The following LIN28B variants were observed in gnomAD, a reference collection of about 807,000 sequenced individuals.
LIN28B encodes protein lin-28 homolog B.
In LIN28B, 5 loss-of-function variants were observed where a neutral mutation model predicts 21.9. The ratio of observed to expected loss-of-function variants is 0.23; its 90% confidence interval spans 0.12 to 0.48. The LOEUF (loss-of-function observed/expected upper bound fraction) is 0.48, where lower values mean the gene tolerates loss of function less well. LIN28B is among the 20% of genes least tolerant of loss of function. LIN28B has a pLI of 0.98. For missense variants in LIN28B, 245 were observed against 310.5 expected (o/e 0.79, Z 1.58); for synonymous variants, 109 against 111.3 (o/e 0.98, Z 0.13).
chr6:105,072,079 C>A (rs1214561293), intron 3 of LIN28B, among the ~76,000 whole-genome samples: 2 of 149,960 alleles, frequency 1.3e-5, no homozygotes, highest in East Asian at 4.0e-4. Context: ...TACTTCAATT[C>A]TTTTGTGTCT....
Position 105,078,507 on chromosome 6 carries a change from C to T in LIN28B, c.477C>T (p.His159=). ...GCCATTACTGTCAGAGCATCATGCACATGGTGGCAAACTGCCCACATAAAA... is the reference window on the plus strand; with the variant it reads ...GCCATTACTGTCAGAGCATCATGCATATGGTGGCAAACTGCCCACATAAAA... ...KKCHYCQSIM[H]MVANCPHKNV... is the part of the protein sequence containing the mutation. The change falls in exon 4 of 4, where the codon CAC becomes CAT. Residue 159 remains histidine, a synonymous_variant. Coordinates refer to ENST00000345080, the MANE Select transcript of LIN28B (RefSeq NM_001004317.4). 6.2e-7 allele frequency: 1 copy of T among 1,614,152 alleles called. No homozygotes were observed. The highest frequency in any genetic ancestry group is 8.5e-7 in the Non-Finnish European group (1 of 1,180,008).
chr6:104,957,417 C>T (rs1778306709), intron 1 of LIN28B, among the ~76,000 whole-genome samples, 157 bp downstream of exon 1: 2 of 138,864 alleles, frequency 1.4e-5, no homozygotes, highest in African/African-American at 2.7e-5. Context: ...GGGCTTTCTG[C>T]AAACCTATTG....
intron 3 of LIN28B, among the ~76,000 whole-genome samples, chr6:105,047,804 A>G (rs1771802011): frequency 6.6e-6 from 1 of 152,090 alleles, no homozygotes; most frequent in East Asian, 1.9e-4. Context: ...TTCACTCATG[A>G]TTTGGCTCTC....
chr6:104,957,344 G>GT (rs1778305253), intron 1 of LIN28B, 84 bp downstream of exon 1: 1 of 728,938 alleles, frequency 1.4e-6, no homozygotes, highest in Non-Finnish European at 2.0e-6. Flanking sequence ...TTCTTAGACC[G>GT]TCCCCCCCTT....
chr6:105,079,205 C>T lies in LIN28B; in HGVS notation c.*422C>T, dbSNP rs980181945. 1.3e-5 allele frequency: 2 copies of T among 154,100 alleles called. No individual in the cohort carries two copies. The highest frequency in any genetic ancestry group is 4.8e-5 in the African/African-American group (2 of 41,430). The allele number at this position is 154,100 out of a possible 1,614,324, so 9.5% of individuals were successfully genotyped here. On this transcript the variant is annotated 3_prime_UTR_variant, in exon 4 of 4. Coordinates refer to ENST00000345080, the MANE Select transcript of LIN28B (RefSeq NM_001004317.4). Reference sequence around the variant, plus strand: ...CATTATAGATAGTTTTAAATTTAACCCACTGGAGTTTTCTTGAAATACCAC... The same window carrying T: ...CATTATAGATAGTTTTAAATTTAACTCACTGGAGTTTTCTTGAAATACCAC...
chr6:105,075,685 A>T (rs1233266290), intron 3 of LIN28B, among the ~76,000 whole-genome samples: 1 of 152,220 alleles, frequency 6.6e-6, no homozygotes, highest in Non-Finnish European at 1.5e-5. Context: ...ATCTAATGGT[A>T]AATGCACAGA....
intron 2 of LIN28B, among the ~76,000 whole-genome samples, chr6:104,977,655 C>T (rs1332530991): frequency 6.6e-6 from 1 of 152,098 alleles, no homozygotes; most frequent in Non-Finnish European, 1.5e-5. Flanking sequence ...GCAACCTCCA[C>T]CTCCCAGGTT....
rs373688973 is a variant in LIN28B at position 105,018,952 on chromosome 6, C to CT, written c.199-7336dup. On this transcript the variant is annotated intron_variant, in intron 2 of 3. Transcript: ENST00000345080. Reference sequence around the variant, plus strand: ...CTTGGTCTTTCTTTTCTTTTCTTTTCTTTTTTTTTTGAGTTGGAGTTTCAC... The same window carrying CT: ...CTTGGTCTTTCTTTTCTTTTCTTTTCTTTTTTTTTTTGAGTTGGAGTTTCAC... Among the ~76,000 whole-genome samples, 455 of 147,294 alleles carry CT rather than the reference C, an allele frequency of 3.1e-3. 1 individual carries two copies. The highest frequency in any genetic ancestry group is 8.5e-3 in the African/African-American group (344 of 40,348).
intron 3 of LIN28B, among the ~76,000 whole-genome samples, chr6:105,072,060 G>C (rs1469961116): frequency 1.3e-5 from 2 of 151,750 alleles, no homozygotes; most frequent in Admixed American, 6.6e-5. Flanking sequence ...CAAAGTCTCA[G>C]GAAAAGTCTA....
At position 104,957,107 on chromosome 6, in the gene LIN28B, C is replaced by T; in HGVS notation, c.-144C>T. The T allele has an allele frequency of 6.4e-7, 1 of 1,562,780 alleles. No individual in the cohort carries two copies. Among genetic ancestry groups the T allele is most frequent in the Non-Finnish European group, 8.7e-7 (1 of 1,154,920 alleles). On this transcript the variant is annotated 5_prime_UTR_variant, in exon 1 of 4. Coordinates refer to ENST00000345080, the MANE Select transcript of LIN28B (RefSeq NM_001004317.4). ...AACTGGAGAGAGGAGAGAAAAAAAT[C>T]AAAAGAAGGAAAGCACATTAGACCA...
chr6:104,992,516 T>TGTGTG (rs1562084946), intron 2 of LIN28B, among the ~76,000 whole-genome samples: 55 of 45,446 alleles, frequency 1.2e-3, no homozygotes, highest in East Asian at 2.7e-3. Flanking sequence ...GTGTGTGTGT[T>TGTGTG]TTTTTTTTAA....
intron 3 of LIN28B, among the ~76,000 whole-genome samples, chr6:105,037,293 C>T (rs1771539376): frequency 6.6e-6 from 1 of 152,102 alleles, no homozygotes. Flanking sequence ...TTTCAGCAGT[C>T]TCCAGCTAGA....
intron 3 of LIN28B, among the ~76,000 whole-genome samples, chr6:105,076,668 C>T (rs931197562): frequency 2.0e-5 from 3 of 151,898 alleles, no homozygotes; most frequent in South Asian, 2.1e-4. Context: ...AGTGCAGTGG[C>T]GCAATCTCGG....
intron 3 of LIN28B, among the ~76,000 whole-genome samples, chr6:105,076,847 G>T (rs970988046): frequency 6.6e-6 from 1 of 151,718 alleles, no homozygotes; most frequent in Non-Finnish European, 1.5e-5. Flanking sequence ...CTCATAATCC[G>T]CCTGTCTCGG....
rs57853281 is a variant in LIN28B, at chr6:104,937,396, G to A, written c.18+280G>A. Among the ~76,000 whole-genome samples, 4 of 152,124 alleles carry A rather than the reference G, an allele frequency of 2.6e-5. No individual in the cohort carries two copies. The East Asian group carries it at 5.8e-4, about 22-fold the overall frequency. ...CCTCCGCCTCCCGGCTGTCTGCTGA[G>A]TACCAGCAGCTGGGACTACAGGCGC... On this transcript the variant is annotated intron_variant, in intron 2 of 5. Coordinates refer to the LIN28B transcript ENST00000635857.
rs150175305 is a variant in LIN28B, at chr6:104,958,577, G to A, written c.198+291G>A. On this transcript the variant is annotated intron_variant, in intron 2 of 3. Coordinates refer to ENST00000345080, the MANE Select transcript of LIN28B (RefSeq NM_001004317.4). ...GCGAAATAGTGTTCTTGTTGTTTCC[G>A]GTATTACCTATACAATATACTTTGT... is the stretch of plus-strand genomic sequence containing the variant. 4.8e-3 allele frequency among the ~76,000 whole-genome samples: 723 copies of A among 152,092 alleles called. 4 individuals carry two copies. Among genetic ancestry groups the A allele is most frequent in the Middle Eastern group, 0.01 (3 of 294 alleles).
chr6:104,958,013 C>G, intron 1 of LIN28B, 86 bp from the exon 2 acceptor site: 2 of 1,033,166 alleles, frequency 1.9e-6, no homozygotes, highest in Non-Finnish European at 2.6e-6. Context: ...CCCCCCCAAC[C>G]CCAGGCAGGC....
At chr6:105,067,853 T>C (rs1454440168) in intron 3 of LIN28B, among the ~76,000 whole-genome samples, 2 of 152,186 alleles carry the variant, frequency 1.3e-5, no homozygotes, top group African/African-American at 4.8e-5. Context: ...AGTACCCTTA[T>C]ATGAAAAATG....
At chr6:105,005,259 G>T (rs1770794029) in intron 2 of LIN28B, among the ~76,000 whole-genome samples, 1 of 151,950 alleles carries the variant, frequency 6.6e-6, no homozygotes, top group Non-Finnish European at 1.5e-5. Context: ...AGTTTTTAGG[G>T]ATTTTCTTTT....
Sources: allele counts gnomAD v4.1 joint callset (sites outside exome capture counted in the v4.1 genomes callset), GRCh38; gene constraint gnomAD v4.1.1; transcripts MANE v1.5; gene names NCBI Gene and HGNC (gene_info 2026-07-23, HGNC 2026-07-21).